PPM1L: variants seen among roughly 807,000 people sequenced by gnomAD.
PPM1L encodes the protein protein phosphatase, Mg2+/Mn2+ dependent 1L.
Under a neutral mutation model 31.4 loss-of-function variants are expected in PPM1L, and 13 were observed. The observed-to-expected ratio is 0.41, with a 90% CI of 0.27 to 0.66. PPM1L has a LOEUF of 0.66. PPM1L is among the 30% of genes least tolerant of loss of function. The pLI, the probability that PPM1L is intolerant of heterozygous loss-of-function variation, is 0.29. For synonymous variants in PPM1L, 184 were observed against 175.4 expected (o/e 1.05, Z -0.39); for missense variants, 326 against 453.7 (o/e 0.72, Z 2.56).
chr3:161,053,365 G>T (rs989035123), intron 2 of PPM1L, among the ~76,000 whole-genome samples: 3 of 152,188 alleles, frequency 2.0e-5, no homozygotes, highest in African/African-American at 4.8e-5. Context: ...TGGACCCACT[G>T]TGGTTTCCTA....
chr3:160,869,124 C>T (rs1054149057), intron 1 of PPM1L, among the ~76,000 whole-genome samples: 6 of 152,104 alleles, frequency 3.9e-5, no homozygotes, highest in Admixed American at 2.0e-4. Flanking sequence ...CTCATCTGCA[C>T]GATGATATTA....
At chr3:160,903,224 G>GTGTGTGTT (rs1553819705) in intron 1 of PPM1L, among the ~76,000 whole-genome samples, 2 of 147,374 alleles carry the variant, frequency 1.4e-5, no homozygotes, top group African/African-American at 2.5e-5. Flanking sequence ...GTGTGTGTGT[G>GTGTGTGTT]TGTGTGTGTG....
intron 2 of PPM1L, among the ~76,000 whole-genome samples, chr3:161,015,773 C>T (rs1354972909): frequency 6.6e-6 from 1 of 152,214 alleles, no homozygotes; most frequent in Non-Finnish European, 1.5e-5. Context: ...TGTGTGCAGG[C>T]AGCCTCTAAG....
intron 2 of PPM1L, among the ~76,000 whole-genome samples, chr3:160,994,261 T>C (rs1055030371): frequency 4.6e-5 from 7 of 152,114 alleles, no homozygotes; most frequent in Middle Eastern, 3.2e-3. Flanking sequence ...AGATATGGCT[T>C]TTCCCAGGGG....
intron 1 of PPM1L, among the ~76,000 whole-genome samples, chr3:160,858,125 A>T (rs567634815): frequency 7.9e-5 from 12 of 152,354 alleles, no homozygotes; most frequent in African/African-American, 2.6e-4. Context: ...ATACTGTGTA[A>T]TGTGGACTAT....
At chr3:160,765,700 C>G (rs547288989) in intron 1 of PPM1L, among the ~76,000 whole-genome samples, 1 of 152,232 alleles carries the variant, frequency 6.6e-6, no homozygotes, top group African/African-American at 2.4e-5. Context: ...TAACCAGTCA[C>G]AATAAACAAA....
chr3:160,806,014 G>A (rs190156154), intron 1 of PPM1L, among the ~76,000 whole-genome samples: 173 of 152,196 alleles, frequency 1.1e-3, no homozygotes, highest in African/African-American at 3.7e-3. Flanking sequence ...TGACATCCTC[G>A]GTTTGACAGT....
intron 2 of PPM1L, among the ~76,000 whole-genome samples, chr3:161,059,240 C>A (rs1018748168): frequency 3.9e-5 from 6 of 152,086 alleles, no homozygotes; most frequent in African/African-American, 1.4e-4. Flanking sequence ...AGGATGGAAG[C>A]CCTACCCATA....
At chr3:160,951,342 C>T (rs1447739755) in intron 1 of PPM1L, among the ~76,000 whole-genome samples, 1 of 152,186 alleles carries the variant, frequency 6.6e-6, no homozygotes, top group East Asian at 1.9e-4. Flanking sequence ...AATTCATCAT[C>T]ACTGTGGCAG....
intron 1 of PPM1L, among the ~76,000 whole-genome samples, chr3:160,782,964 A>C (rs1468736565): frequency 6.6e-6 from 1 of 152,162 alleles, no homozygotes; most frequent in African/African-American, 2.4e-5. Flanking sequence ...TTTGCCTTTC[A>C]AAGTGGTGAT....
At chr3:160,946,600 T>A (rs1715418575) in intron 1 of PPM1L, among the ~76,000 whole-genome samples, 1 of 152,160 alleles carries the variant, frequency 6.6e-6, no homozygotes, top group Admixed American at 6.5e-5. Flanking sequence ...ACTCTATACA[T>A]TTGAGTATTT....
intron 2 of PPM1L, among the ~76,000 whole-genome samples, chr3:161,012,911 T>C (rs1373456169): frequency 6.6e-6 from 1 of 152,040 alleles, no homozygotes. Context: ...TCTCTCTTTT[T>C]TTCTTTATTA....
At chr3:160,846,105 A>C (rs1714066274) in intron 1 of PPM1L, among the ~76,000 whole-genome samples, 1 of 152,158 alleles carries the variant, frequency 6.6e-6, no homozygotes, top group Non-Finnish European at 1.5e-5. Context: ...AGAAAATGGA[A>C]AGGTTTCTCA....
chr3:160,975,038 T>C lies in PPM1L; in HGVS notation c.574+13128T>C, dbSNP rs1214405017. 2.6e-5 allele frequency among the ~76,000 whole-genome samples: 4 copies of C among 151,912 alleles called. No homozygotes were observed. The East Asian group carries it at 5.8e-4, about 22-fold the overall frequency. ...ATTTAAGTCTTTAATCCATCTTGAA[T>C]TGATTTTTGTATAAGGTGTAAGGAA... On this transcript the variant is annotated intron_variant, in intron 2 of 3. Coordinates refer to ENST00000498165, the MANE Select transcript of PPM1L (RefSeq NM_139245.4).
rs546388928 is a variant in PPM1L at position 160,881,983 on chromosome 3, G to A, written c.400-79753G>A. ...GGAGAATGGTGTGAACTCGGGAAGC[G>A]GAGCTTGCAGTGAGCTGAGATTGCA... On this transcript the variant is annotated intron_variant, in intron 1 of 3. Transcript: ENST00000498165. 2.0e-5 allele frequency among the ~76,000 whole-genome samples: 3 copies of A among 151,900 alleles called. No homozygotes were observed. The South Asian group carries it at 6.2e-4, about 32-fold the overall frequency.
rs543904029 is a variant in PPM1L at position 160,937,732 on chromosome 3, T to A, written c.400-24004T>A. 2.0e-5 allele frequency among the ~76,000 whole-genome samples: 3 copies of A among 152,338 alleles called. No individual in the cohort carries two copies. The South Asian group carries it at 6.2e-4, about 32-fold the overall frequency. ...TAAAGCATTTCAATGCTTTGTACTA[T>A]TTTTTGAAGTCCATATAGTCAAGGT... On this transcript the variant is annotated intron_variant, in intron 1 of 3. Transcript: ENST00000498165.
At chr3:160,772,644 A>G (rs959015138) in intron 1 of PPM1L, among the ~76,000 whole-genome samples, 1 of 152,240 alleles carries the variant, frequency 6.6e-6, no homozygotes, top group Non-Finnish European at 1.5e-5. Context: ...CATTGTTACA[A>G]TTAAGGTAGT....
intron 1 of PPM1L, among the ~76,000 whole-genome samples, chr3:160,845,174 C>T (rs2108108289): frequency 6.6e-6 from 1 of 151,856 alleles, no homozygotes; most frequent in Non-Finnish European, 1.5e-5. Flanking sequence ...TTGATTGTTC[C>T]CACTTTTTGG....
At chr3:161,032,739 C>T (rs1718608868) in intron 2 of PPM1L, among the ~76,000 whole-genome samples, 1 of 150,818 alleles carries the variant, frequency 6.6e-6, no homozygotes, top group African/African-American at 2.4e-5. Context: ...ATAGCCCAAG[C>T]TGGAGTGCAA....
Sources: gnomAD v4.1 joint callset for allele counts (sites outside exome capture counted in the v4.1 genomes callset) on GRCh38, gnomAD v4.1.1 for gene constraint, MANE v1.5 for transcripts, NCBI Gene and HGNC (gene_info 2026-07-23, HGNC 2026-07-21) for gene names.